FER: variants seen among roughly 807,000 people sequenced by gnomAD.
FER encodes FER tyrosine kinase, also known as tyrosine-protein kinase Fer.
FER carries 63 observed loss-of-function variants against 111.0 expected under a neutral mutation model. That is an observed-to-expected ratio of 0.57 (90% CI 0.46 to 0.70). The LOEUF is 0.70. Among genes scored for constraint, FER ranks in the 30% least tolerant of loss-of-function variants. The pLI is 0.00. For synonymous variants in FER, 327 were observed against 313.9 expected (o/e 1.04, Z -0.44); for missense variants, 914 against 954.0 (o/e 0.96, Z 0.55).
chr5:108,788,274 C>G (rs1001834738), intron 2 of FER, among the ~76,000 whole-genome samples: 1 of 152,244 alleles, frequency 6.6e-6, no homozygotes, highest in Admixed American at 6.5e-5. Context: ...GCTGCCTGTC[C>G]TGCAGCAGCT....
At chr5:108,871,877 G>A (rs1220251793) in intron 7 of FER, among the ~76,000 whole-genome samples, 1 of 151,820 alleles carries the variant, frequency 6.6e-6, no homozygotes, top group African/African-American at 2.4e-5. Context: ...ATTGTGACAG[G>A]AATAAAGCAG....
chr5:109,103,042 A>G (rs1363445168), intron 17 of FER, among the ~76,000 whole-genome samples: 5 of 152,122 alleles, frequency 3.3e-5, no homozygotes, highest in Non-Finnish European at 7.4e-5. Flanking sequence ...TACAGTGAAC[A>G]GTTTTTTCCT....
rs192900514 is a variant in FER at position 108,825,774 on chromosome 5, C to A, written c.208-6996C>A. On this transcript the variant is annotated intron_variant, in intron 3 of 19. Transcript: ENST00000281092. ...TTACCAAAGTATTAATTTGGGGGAA[C>A]CAATAAATGTCCATAAAATCTTCAT... Among the ~76,000 whole-genome samples, 968 of 152,270 alleles carry A rather than the reference C, an allele frequency of 6.4e-3. 6 individuals carry two copies. The highest frequency in any genetic ancestry group is 0.01 in the Non-Finnish European group (683 of 68,016).
At chr5:109,058,905 G>T (rs1332834149) in intron 16 of FER, among the ~76,000 whole-genome samples, 1 of 149,788 alleles carries the variant, frequency 6.7e-6, no homozygotes, top group African/African-American at 2.5e-5. Flanking sequence ...GCTAATTTTT[G>T]TATTTTTTAG....
intron 17 of FER, among the ~76,000 whole-genome samples, chr5:109,103,555 T>C (rs1748517181): frequency 6.6e-6 from 1 of 152,204 alleles, no homozygotes; most frequent in Non-Finnish European, 1.5e-5. Flanking sequence ...TGCTACAAGT[T>C]TCTAGTGGAA....
At chr5:109,000,728 A>G (rs575332535) in intron 13 of FER, among the ~76,000 whole-genome samples, 5 of 152,206 alleles carry the variant, frequency 3.3e-5, no homozygotes, top group Non-Finnish European at 4.4e-5. Context: ...GGTTTTTTTA[A>G]AAGATCAACA....
intron 5 of FER, among the ~76,000 whole-genome samples, chr5:108,851,529 G>A (rs989818657): frequency 1.1e-4 from 17 of 151,854 alleles, no homozygotes; most frequent in African/African-American, 1.7e-4. Flanking sequence ...GTTCTTGTGC[G>A]GATGCCATGT....
chr5:108,764,247 C>A (rs1237899648), intron 1 of FER, among the ~76,000 whole-genome samples: 2 of 152,138 alleles, frequency 1.3e-5, no homozygotes, highest in African/African-American at 4.8e-5. Flanking sequence ...CTATTACTTA[C>A]ATGCACATGC....
At chr5:109,058,728 T>TTTC (rs1773979432) in intron 16 of FER, among the ~76,000 whole-genome samples, 2 of 105,002 alleles carry the variant, frequency 1.9e-5, no homozygotes, top group African/African-American at 3.4e-5. Flanking sequence ...TTCTTTCTTT[T>TTTC]TTTTTTTTTT....
chr5:109,120,537 T>G (rs1240346057), intron 17 of FER, among the ~76,000 whole-genome samples: 1 of 152,106 alleles, frequency 6.6e-6, no homozygotes, highest in African/African-American at 2.4e-5. Flanking sequence ...GTAATGTGTT[T>G]CCTCCAATTC....
chr5:109,044,210 G>A (rs935771960), intron 14 of FER, among the ~76,000 whole-genome samples: 8 of 144,870 alleles, frequency 5.5e-5, no homozygotes, highest in Non-Finnish European at 1.2e-4. Context: ...ACAGAGTCTT[G>A]CTCTGTTGCC....
At chr5:108,852,452 C>T (rs535817597) in intron 5 of FER, among the ~76,000 whole-genome samples, 1 of 151,976 alleles carries the variant, frequency 6.6e-6, no homozygotes, top group African/African-American at 2.4e-5. Context: ...TTGAGGTCAC[C>T]AAGAATGGCA....
intron 17 of FER, 149 bp downstream of exon 17, chr5:109,100,668 G>A (rs1474112915): frequency 1.4e-6 from 1 of 733,674 alleles, no homozygotes; most frequent in Non-Finnish European, 2.1e-6. Flanking sequence ...TCTGCTAGTT[G>A]TTTATATAGT....
intron 16 of FER, chr5:109,052,012 C>T (rs1192977531): frequency 1.3e-6 from 2 of 1,588,720 alleles, no homozygotes; most frequent in Non-Finnish European, 1.7e-6. Context: ...CAGCAACCCC[C>T]CTTGCATTTT....
At chr5:108,779,785 C>T (rs1321672405) in intron 2 of FER, among the ~76,000 whole-genome samples, 4 of 152,092 alleles carry the variant, frequency 2.6e-5, no homozygotes, top group Non-Finnish European at 5.9e-5. Context: ...TAAAAATCTC[C>T]TTCTTATCTC....
At chr5:109,138,033 G>GC (rs1300890827) in intron 17 of FER, among the ~76,000 whole-genome samples, 2 of 152,072 alleles carry the variant, frequency 1.3e-5, no homozygotes, top group Non-Finnish European at 2.9e-5. Flanking sequence ...TGCAGCTCAA[G>GC]CCTGAAGTCT....
At chr5:109,014,862 G>C (rs116865994) in intron 13 of FER, 6 of 152,248 alleles carry the variant, frequency 3.9e-5, no homozygotes, top group Admixed American at 3.3e-4. Context: ...ATGAATTTGC[G>C]TGTCATCCTT....
chr5:108,835,181 G>GCCCC (rs1312154707), intron 4 of FER, among the ~76,000 whole-genome samples: 3 of 56,324 alleles, frequency 5.3e-5, no homozygotes, highest in South Asian at 4.5e-4. Context: ...CTTCGTTTGC[G>GCCCC]CCACCCCCCC....
At chr5:108,895,411 T>C (rs1281723316) in intron 9 of FER, among the ~76,000 whole-genome samples, 1 of 152,230 alleles carries the variant, frequency 6.6e-6, no homozygotes, top group Non-Finnish European at 1.5e-5. Flanking sequence ...AAATCAGTTT[T>C]ACTGGCCTAA....
Sources: gnomAD v4.1 joint callset for allele counts (sites outside exome capture counted in the v4.1 genomes callset) on GRCh38, gnomAD v4.1.1 for gene constraint, MANE v1.5 for transcripts, NCBI Gene and HGNC (gene_info 2026-07-23, HGNC 2026-07-21) for gene names.